HYKK: variants seen among roughly 807,000 people sequenced by gnomAD.
HYKK encodes hydroxylysine kinase.
In HYKK, 19 loss-of-function variants were observed where a neutral mutation model predicts 29.7. The observed-to-expected ratio is 0.64, with a 90% CI of 0.45 to 0.94. The LOEUF is 0.94. Among genes scored for constraint, HYKK ranks in the 40% least tolerant of loss-of-function variants. The pLI, the probability that HYKK is intolerant of heterozygous loss-of-function variation, is 0.00. For synonymous variants in HYKK, 152 were observed against 158.1 expected, an observed-to-expected ratio of 0.96 and a Z score of 0.29; for missense variants, 390 against 443.4, an observed-to-expected ratio of 0.88 and a Z score of 1.08.
rs3053647 is a variant in HYKK at position 78,536,298 on chromosome 15, T to TACACACACACAC, written c.*2650_*2661dup. On this transcript the variant is annotated 3_prime_UTR_variant, in exon 5 of 5. Transcript: ENST00000388988. ...CCTCTCCCTCCTCTCCTGTCCCTGC[T>TACACACACACAC]ACACACACACACACACACACACACA... The TACACACACACAC allele has an allele frequency of 6.7e-6, 1 of 149,046 alleles. No homozygotes were observed. Among genetic ancestry groups the TACACACACACAC allele is most frequent in the Non-Finnish European group, 1.5e-5 (1 of 67,180 alleles). The allele number at this position is 149,046 out of a possible 1,614,324, so 9.2% of individuals were successfully genotyped here. A position where few individuals can be genotyped will look rare whatever the true frequency, so the allele number is the denominator to read the frequency against.
Position 78,513,095 on chromosome 15 carries a change from A to G in HYKK, c.7A>G (p.Ser3Gly), listed in dbSNP as rs369397938. Residue 3 changes from serine (S) to glycine (G), a missense_variant, in exon 2 of 5, where the codon AGT becomes GGT. Coordinates refer to ENST00000388988, the MANE Select transcript of HYKK (RefSeq NM_001013619.4). ...TTTTGTTCCCCTAGACATAATGTCA[A>G]GTGGAAACTATCAGCAGTCAGAGGC... is the stretch of plus-strand genomic sequence containing the variant. MS[S>G]GNYQQSEALS... 1 of 1,599,914 alleles carries G rather than the reference A, an allele frequency of 6.3e-7. No individual in the cohort carries two copies. Among genetic ancestry groups the G allele is most frequent in the Non-Finnish European group, 8.6e-7 (1 of 1,168,434 alleles).
At chr15:78,525,037 G>A (rs965786381) in intron 3 of HYKK, among the ~76,000 whole-genome samples, 19 of 152,106 alleles carry the variant, frequency 1.2e-4, no homozygotes, top group South Asian at 4.1e-4. Context: ...AACAGGCTAC[G>A]TGACTATTTA....
intron 3 of HYKK, among the ~76,000 whole-genome samples, chr15:78,523,102 G>A (rs1395673920): frequency 1.3e-5 from 2 of 152,192 alleles, no homozygotes; most frequent in African/African-American, 2.4e-5. Flanking sequence ...ACCATGGGAA[G>A]TGTGTTAGTC....
At chr15:78,532,102 G>A (rs1235088589) in intron 4 of HYKK, among the ~76,000 whole-genome samples, 1 of 152,138 alleles carries the variant, frequency 6.6e-6, no homozygotes, top group Non-Finnish European at 1.5e-5. Context: ...TTTAGTTGGT[G>A]GCTTAAATCC....
chr15:78,515,229 G>A (rs969110813), intron 3 of HYKK, 122 bp downstream of exon 3: 1 of 651,200 alleles, frequency 1.5e-6, no homozygotes, highest in Non-Finnish European at 2.4e-6. Flanking sequence ...ATGTTATGAA[G>A]GGAATGGAGT....
chr15:78,517,929 C>T (rs1187095847), intron 3 of HYKK, among the ~76,000 whole-genome samples: 1 of 152,168 alleles, frequency 6.6e-6, no homozygotes, highest in East Asian at 1.9e-4. Flanking sequence ...TGAGTAGTTT[C>T]CTCACATTTA....
intron 1 of HYKK, among the ~76,000 whole-genome samples, chr15:78,510,399 A>G (rs372798222): frequency 1.3e-5 from 2 of 151,706 alleles, no homozygotes; most frequent in African/African-American, 4.8e-5. Context: ...GGGTTTCGCC[A>G]TGTTGGCCAG....
chr15:78,520,506 T>A (rs942591993), intron 3 of HYKK, among the ~76,000 whole-genome samples: 7 of 152,126 alleles, frequency 4.6e-5, no homozygotes, highest in Non-Finnish European at 1.0e-4. Flanking sequence ...CTTAATCCAT[T>A]TAACCCTGAG....
intron 3 of HYKK, chr15:78,518,733 A>G (rs1344192791): frequency 5.5e-6 from 2 of 364,672 alleles, no homozygotes; most frequent in South Asian, 1.9e-5. Context: ...GCTGGCCAAC[A>G]TGGTGAAACC....
In HYKK at chr15:78,534,245, C is replaced by CTTTTTTTTTT. The variant is rs34543309; in HGVS notation, c.*588_*597dup. On this transcript the variant is annotated 3_prime_UTR_variant, in exon 5 of 5. Transcript: ENST00000388988. ...ACTTATTTTTGTCTCCTCAGCCCTT[C>CTTTTTTTTTT]TTTTTTTTTTTTTTTTTTTTTTGAG... 1 of 105,592 alleles carries CTTTTTTTTTT rather than the reference C, an allele frequency of 9.5e-6. No homozygotes were observed. The highest frequency in any genetic ancestry group is 3.4e-5 in the African/African-American group (1 of 29,074). The allele number at this position is 105,592 out of a possible 1,614,324, so 6.5% of individuals were successfully genotyped here.
intron 1 of HYKK, among the ~76,000 whole-genome samples, chr15:78,512,433 G>T (rs1198051540): frequency 8.2e-6 from 1 of 122,160 alleles, no homozygotes; most frequent in Non-Finnish European, 1.6e-5. Flanking sequence ...ATGGAGTCTC[G>T]CCCTGTTGCC....
chr15:78,515,204 G>A, intron 3 of HYKK, 97 bp downstream of exon 3: 1 of 890,846 alleles, frequency 1.1e-6, no homozygotes, highest in Non-Finnish European at 1.6e-6. Flanking sequence ...TTTTATGTAT[G>A]GTGCTACCTA....
intron 2 of HYKK, among the ~76,000 whole-genome samples, chr15:78,513,768 G>T (rs556064532): frequency 4.3e-4 from 66 of 152,228 alleles, no homozygotes; most frequent in African/African-American, 1.5e-3. Flanking sequence ...TGTTTGTTTT[G>T]TTGGTGGTTT....
At chr15:78,510,477 G>A (rs2052063453) in intron 1 of HYKK, among the ~76,000 whole-genome samples, 1 of 152,054 alleles carries the variant, frequency 6.6e-6, no homozygotes, top group South Asian at 2.1e-4. Context: ...GGGATTACAG[G>A]CGTGAACCAC....
rs145748632 is a variant in HYKK, at chr15:78,512,564, G to A, written c.-5-520G>A. Among the ~76,000 whole-genome samples, 1,053 of 151,890 alleles carry A rather than the reference G, an allele frequency of 6.9e-3. 12 individuals are homozygous for A. Among genetic ancestry groups the A allele is most frequent in the African/African-American group, 0.024 (994 of 41,418 alleles). On this transcript the variant is annotated intron_variant, in intron 1 of 4. Transcript: ENST00000388988. ...TTACAGGCGCCCACCACCACGCCCA[G>A]CCAATTTTTGTATTATCAGTAGAGA...
intron 4 of HYKK, among the ~76,000 whole-genome samples, chr15:78,531,366 CAA>C (rs1291074604): frequency 6.6e-6 from 1 of 152,064 alleles, no homozygotes; most frequent in African/African-American, 2.4e-5. Flanking sequence ...CCCATTAGGT[CAA>C]GTTTGTTAAT....
Position 78,508,880 on chromosome 15 carries a change from CAAA to C in HYKK, c.-6+1227_-6+1229del, listed in dbSNP as rs71148531. Among the ~76,000 whole-genome samples, 896 of 55,660 alleles carry C rather than the reference CAAA, an allele frequency of 0.016. 97 individuals carry two copies. In the East Asian group the frequency reaches 0.39, roughly 24 times the overall value. 36.5% of individuals were successfully genotyped at this position (55,660 alleles called of 152,430 possible). Reference sequence around the variant, plus strand: ...GCAACATAGTGGGACCCTCTCTCTCCAAAAAAAAAAAAAAAAAAAAGGCCAGGC... The same window carrying C: ...GCAACATAGTGGGACCCTCTCTCTCCAAAAAAAAAAAAAAAAAGGCCAGGC... On this transcript the variant is annotated intron_variant, in intron 1 of 4. Coordinates refer to ENST00000388988, the MANE Select transcript of HYKK (RefSeq NM_001013619.4).
rs905228674 is a variant in HYKK at position 78,534,343 on chromosome 15, G to T, written c.*673G>T. ...CGGCTCATTGCAAGCTCCGCTTCTC[G>T]AGTTCACGCCATTCTCCTGCCTCAG... On this transcript the variant is annotated 3_prime_UTR_variant, in exon 5 of 5. Transcript: ENST00000388988. 6.8e-6 allele frequency: 1 copy of T among 146,332 alleles called. No homozygotes were observed. The highest frequency in any genetic ancestry group is 2.0e-4 in the East Asian group (1 of 5,016). 9.1% of individuals were successfully genotyped at this position (146,332 alleles called of 1,614,324 possible). A position where few individuals can be genotyped will look rare whatever the true frequency, so the allele number is the denominator to read the frequency against.
At chr15:78,512,968 A>T in intron 1 of HYKK, 116 bp from the exon 2 acceptor site, 1 of 627,178 alleles carries the variant, frequency 1.6e-6, no homozygotes, top group East Asian at 2.8e-5. Context: ...AAAACTTAAC[A>T]ATCAAAAGAA....
Sources: gnomAD v4.1 joint callset for allele counts (sites outside exome capture counted in the v4.1 genomes callset) on GRCh38, gnomAD v4.1.1 for gene constraint, MANE v1.5 for transcripts, NCBI Gene and HGNC (gene_info 2026-07-23, HGNC 2026-07-21) for gene names.